Variants in RAI14 observed in about 807,000 individuals in gnomAD.
RAI14 encodes the protein retinoic acid induced 14.
RAI14 carries 45 observed loss-of-function variants against 115.4 expected under a neutral mutation model. The observed-to-expected ratio is 0.39, with a 90% CI of 0.31 to 0.50. RAI14 has a LOEUF of 0.50. RAI14 is among the 20% of genes least tolerant of loss of function. The pLI is 0.85. For missense variants in RAI14, 939 were observed against 1,131.2 expected, an observed-to-expected ratio of 0.83 and a Z score of 2.44; for synonymous variants, 371 against 415.4, an observed-to-expected ratio of 0.89 and a Z score of 1.30.
intron 1 of RAI14, among the ~76,000 whole-genome samples, chr5:34,677,851 C>T (rs566373154): frequency 1.1e-3 from 163 of 152,236 alleles, no homozygotes; most frequent in African/African-American, 3.8e-3. Flanking sequence ...AAAAAGTAAT[C>T]GTGGTTTTTG....
At chr5:34,708,988 T>C (rs1371411639) in intron 2 of RAI14, among the ~76,000 whole-genome samples, 1 of 151,364 alleles carries the variant, frequency 6.6e-6, no homozygotes, top group African/African-American at 2.4e-5. Flanking sequence ...ATAAAAACTT[T>C]AGAAGATAAC....
At chr5:34,805,697 C>T (rs1005765523) in intron 5 of RAI14, among the ~76,000 whole-genome samples, 5 of 151,938 alleles carry the variant, frequency 3.3e-5, no homozygotes, top group African/African-American at 4.8e-5. Flanking sequence ...AAAAATTAGC[C>T]GGGCGTGGTG....
At chr5:34,750,935 C>T (rs1746926078) in intron 2 of RAI14, among the ~76,000 whole-genome samples, 1 of 145,944 alleles carries the variant, frequency 6.9e-6, no homozygotes, top group African/African-American at 2.6e-5. Context: ...TCACCACAAC[C>T]TTTGCCTCCC....
At chr5:34,804,546 A>G (rs2150236502) in intron 5 of RAI14, among the ~76,000 whole-genome samples, 1 of 152,342 alleles carries the variant, frequency 6.6e-6, no homozygotes, top group East Asian at 1.9e-4. Flanking sequence ...GGGACCCAGC[A>G]TCTTGCTTTA....
At chr5:34,730,814 C>A (rs1012617493) in intron 2 of RAI14, among the ~76,000 whole-genome samples, 4 of 152,150 alleles carry the variant, frequency 2.6e-5, no homozygotes, top group African/African-American at 9.7e-5. Flanking sequence ...GAAACCTAAT[C>A]TCTACTAAAA....
At position 34,812,201 on chromosome 5, in the gene RAI14, C is replaced by T; in HGVS notation, c.758C>T (p.Pro253Leu). 1 of 1,582,016 alleles carries T rather than the reference C, an allele frequency of 6.3e-7. No homozygotes were observed. The highest frequency in any genetic ancestry group is 8.6e-7 in the Non-Finnish European group (1 of 1,156,168). ...ATAGATTTAAAGACCCCAACAAAAC[C>T]AAAGCAGGTATTTATCTTTGGGGGA... is the stretch of plus-strand genomic sequence containing the variant. ...QDADLKTPTK[P>L]KQHDQVSKIS... is the part of the protein sequence containing the mutation. Residue 253 changes from proline (P) to leucine (L), a missense_variant, in exon 10 of 18, where the codon CCA (proline) becomes CTA (leucine). By Grantham distance (98) the Pro-to-Leu change is moderately conservative. Transcript: ENST00000265109.
At chr5:34,689,297 CG>C (rs1738269330) in intron 2 of RAI14, among the ~76,000 whole-genome samples, 1 of 151,898 alleles carries the variant, frequency 6.6e-6, no homozygotes. Flanking sequence ...TCCAGCTACT[CG>C]GGAGGCTGAG....
In RAI14 at chr5:34,823,043, C is replaced by G; in HGVS notation, c.1201C>G (p.Pro401Ala). The change falls in exon 15 of 18, where the codon CCT becomes GCT. Residue 401 changes from proline to alanine, a missense_variant. Transcript: ENST00000265109. This position sits in a 1 kb window ranked among gnomAD's most constrained non-coding sequence, Gnocchi z 4.5. ...QTDLGPSLGKPGETSPPDSKS... is the reference protein window; with the variant it reads ...QTDLGPSLGKAGETSPPDSKS... ...TGACTTGGGCCCATCCCTGGGAAAA[C>G]CTGGTGAAACCTCTCCCCCAGACTC... 6.2e-7 allele frequency: 1 copy of G among 1,613,566 alleles called. No homozygotes were observed.
At chr5:34,753,274 T>C (rs1188906664) in intron 2 of RAI14, among the ~76,000 whole-genome samples, 3 of 152,160 alleles carry the variant, frequency 2.0e-5, no homozygotes, top group East Asian at 3.9e-4. Flanking sequence ...TGGGATGTTA[T>C]GATAAAATTT....
intron 1 of RAI14, among the ~76,000 whole-genome samples, chr5:34,665,886 G>T (rs755411761): frequency 1.3e-5 from 2 of 152,142 alleles, no homozygotes; most frequent in Non-Finnish European, 1.5e-5. Context: ...ATAATTGTGG[G>T]TTTTATACTC....
Position 34,724,497 on chromosome 5 carries a change from A to G in RAI14, c.37-32971A>G, listed in dbSNP as rs145571914. 2.7e-3 allele frequency among the ~76,000 whole-genome samples: 405 copies of G among 152,290 alleles called. 1 individual carries two copies. Among genetic ancestry groups the G allele is most frequent in the South Asian group, 0.015 (73 of 4,824 alleles). On this transcript the variant is annotated intron_variant, in intron 2 of 17. Coordinates refer to ENST00000265109, the MANE Select transcript of RAI14 (RefSeq NM_015577.3). ...GGGCTATCAGTGAACACTTTCCCCT[A>G]ACTCCCCATGGCGTGACAGGAAGCC...
chr5:34,703,232 C>T (rs1046824889), intron 2 of RAI14, among the ~76,000 whole-genome samples: 2 of 152,072 alleles, frequency 1.3e-5, no homozygotes, highest in Non-Finnish European at 2.9e-5. Flanking sequence ...ATTATAATTA[C>T]AACATATAAA....
chr5:34,720,733 T>A (rs1230766130), intron 2 of RAI14, among the ~76,000 whole-genome samples: 2 of 152,038 alleles, frequency 1.3e-5, no homozygotes, highest in Non-Finnish European at 2.9e-5. Context: ...ACTTGACTAA[T>A]AAAAGTAATA....
At chr5:34,708,308 T>C (rs1186196237) in intron 2 of RAI14, among the ~76,000 whole-genome samples, 1 of 151,992 alleles carries the variant, frequency 6.6e-6, no homozygotes. Flanking sequence ...GTTCAAGCGA[T>C]TCTCCTGCCG....
In RAI14 at chr5:34,691,372, C is replaced by T. The variant is rs565782150; in HGVS notation, c.36+4417C>T. Among the ~76,000 whole-genome samples the T allele has an allele frequency of 7.2e-5, 11 of 152,224 alleles. No individual in the cohort carries two copies. In the East Asian group the frequency reaches 7.7e-4, roughly 11 times the overall value. ...TAGATTGACTTTTATGCTTATTAAG[C>T]GAGCGCAGAGTTCTCAGTCATCATT... On this transcript the variant is annotated intron_variant, in intron 2 of 17. Transcript: ENST00000265109.
At chr5:34,814,858 G>A (rs897748752) in intron 12 of RAI14, among the ~76,000 whole-genome samples, 189 bp downstream of exon 12, 9 of 152,058 alleles carry the variant, frequency 5.9e-5, no homozygotes, top group Non-Finnish European at 1.3e-4. Flanking sequence ...TGTACAGCTA[G>A]TTTGTATCCA....
chr5:34,761,327 C>T (rs1481843124), intron 3 of RAI14, among the ~76,000 whole-genome samples: 1 of 151,808 alleles, frequency 6.6e-6, no homozygotes, highest in Non-Finnish European at 1.5e-5. Context: ...GCTGGGACTA[C>T]AGGTATGCAC....
At chr5:34,679,150 A>T (rs1744207777) in intron 1 of RAI14, among the ~76,000 whole-genome samples, 2 of 152,174 alleles carry the variant, frequency 1.3e-5, no homozygotes, top group Non-Finnish European at 2.9e-5. Context: ...ATCATTGCAT[A>T]GCTCTCTCTA....
chr5:34,735,816 G>A (rs922959130), intron 2 of RAI14, among the ~76,000 whole-genome samples: 4 of 152,206 alleles, frequency 2.6e-5, no homozygotes, highest in Non-Finnish European at 4.4e-5. Context: ...AAATGGTGCC[G>A]TCATAGGACT....
Sources: gnomAD v4.1 joint callset for allele counts (sites outside exome capture counted in the v4.1 genomes callset) on GRCh38, gnomAD v4.1.1 for gene constraint, Gnocchi (gnomAD v3.1) non-coding constraint, MANE v1.5 for transcripts, NCBI Gene and HGNC (gene_info 2026-07-23, HGNC 2026-07-21) for gene names.